PDGFD: variants seen among roughly 807,000 people sequenced by gnomAD.
PDGFD encodes platelet derived growth factor D, also known as platelet-derived growth factor D.
Under a neutral mutation model 44.7 loss-of-function variants are expected in PDGFD, and 30 were observed. That is an observed-to-expected ratio of 0.67 (90% confidence interval 0.50 to 0.91). The LOEUF (loss-of-function observed/expected upper bound fraction) is 0.91. Among genes scored for constraint, PDGFD ranks in the 40% least tolerant of loss-of-function variants. PDGFD has a pLI of 0.00. For missense variants in PDGFD, 445 were observed against 457.8 expected, an observed-to-expected ratio of 0.97 and a Z score of 0.25; for synonymous variants, 173 against 168.4, an observed-to-expected ratio of 1.03 and a Z score of -0.21.
chr11:104,028,736 A>T lies in PDGFD; in HGVS notation c.125-28481T>A, dbSNP rs1298332881. Among the ~76,000 whole-genome samples, 3 of 150,026 alleles carry T rather than the reference A, an allele frequency of 2.0e-5. No individual in the cohort carries two copies. In the East Asian group the frequency reaches 5.8e-4, roughly 29 times the overall value. On this transcript the variant is annotated intron_variant, in intron 1 of 6. Transcript: ENST00000393158. ...TGCAGTAAGAACATGAAATAAAACC[A>T]AGTCTTTGTTCACAGTTAATAGTGT...
intron 1 of PDGFD, among the ~76,000 whole-genome samples, chr11:104,044,154 A>G (rs1860403637): frequency 6.6e-6 from 1 of 152,230 alleles, no homozygotes; most frequent in African/African-American, 2.4e-5. Flanking sequence ...CCAACCAGAG[A>G]GCAGTTATAG....
At position 104,009,914 on chromosome 11, in the gene PDGFD, T is replaced by C. The variant is rs116057398; in HGVS notation, c.125-9659A>G. The stretch of plus-strand genomic sequence containing the variant: ...GCTGAAGTCCTCCTGGGACTATTAA[T>C]AGGACGGTCTTCACTAAGGAATTTT... On this transcript the variant is annotated intron_variant, in intron 1 of 6. Transcript: ENST00000393158. Among the ~76,000 whole-genome samples, 75 of 152,258 alleles carry C rather than the reference T, an allele frequency of 4.9e-4. 1 individual carries two copies. Among genetic ancestry groups the C allele is most frequent in the African/African-American group, 1.7e-3 (70 of 41,566 alleles).
rs1470700797 is a variant in PDGFD, at chr11:103,907,759, T to G, written c.*1935A>C. 3 of 152,186 alleles carry G rather than the reference T, an allele frequency of 2.0e-5. No homozygotes were observed. Among genetic ancestry groups the G allele is most frequent in the African/African-American group, 7.2e-5 (3 of 41,436 alleles). The allele number at this position is 152,186 out of a possible 1,614,324, so 9.4% of individuals were successfully genotyped here. A position where few individuals can be genotyped will look rare whatever the true frequency, so the allele number is the denominator to read the frequency against. ...TGACTTTGGTACAGGAAACTGATGT[T>G]TTCACAGGAAACTTGCAAAGCAGTT... On this transcript the variant is annotated 3_prime_UTR_variant, in exon 7 of 7. Transcript: ENST00000393158.
chr11:104,045,946 T>C (rs1257066979), intron 1 of PDGFD, among the ~76,000 whole-genome samples: 1 of 146,472 alleles, frequency 6.8e-6, no homozygotes, highest in African/African-American at 2.5e-5. Context: ...AGTGATTCTA[T>C]GATAGGAACT....
intron 1 of PDGFD, among the ~76,000 whole-genome samples, chr11:104,116,203 T>C (rs1246295968): frequency 6.6e-6 from 1 of 152,096 alleles, no homozygotes. Context: ...GAGTTTATTT[T>C]TGTATAAAGT....
intron 3 of PDGFD, among the ~76,000 whole-genome samples, chr11:103,961,380 G>A (rs1019720030): frequency 1.3e-5 from 2 of 152,262 alleles, no homozygotes; most frequent in South Asian, 2.1e-4. Flanking sequence ...AGTTCTACAG[G>A]AGAAAGAATG....
intron 1 of PDGFD, among the ~76,000 whole-genome samples, chr11:104,141,176 G>A (rs746686779): frequency 1.1e-4 from 17 of 152,140 alleles, no homozygotes; most frequent in East Asian, 9.6e-4. Flanking sequence ...TAAAACCAAC[G>A]TAGTTAAAAA....
chr11:104,089,346 G>A (rs968853602), intron 1 of PDGFD, among the ~76,000 whole-genome samples: 3 of 152,134 alleles, frequency 2.0e-5, no homozygotes, highest in African/African-American at 7.2e-5. Context: ...CCCCTAGGAG[G>A]AGGCAGTTAC....
chr11:104,003,000 T>C (rs1043601952), intron 1 of PDGFD, among the ~76,000 whole-genome samples: 5 of 152,214 alleles, frequency 3.3e-5, no homozygotes, highest in Admixed American at 3.3e-4. Context: ...TTTGGTCTTT[T>C]TCATGGGTAT....
chr11:104,068,825 T>C (rs942283262), intron 1 of PDGFD, among the ~76,000 whole-genome samples: 1 of 152,114 alleles, frequency 6.6e-6, no homozygotes, highest in African/African-American at 2.4e-5. Context: ...TTCTCACATA[T>C]GCCTCTGTGT....
intron 3 of PDGFD, among the ~76,000 whole-genome samples, chr11:103,954,939 C>T (rs1044242433): frequency 2.0e-5 from 3 of 151,532 alleles, no homozygotes; most frequent in Admixed American, 1.3e-4. Flanking sequence ...CCGAGGCGGG[C>T]GGATCACGAG....
intron 1 of PDGFD, among the ~76,000 whole-genome samples, chr11:104,093,265 T>C (rs1395261154): frequency 6.6e-6 from 1 of 151,900 alleles, no homozygotes; most frequent in Admixed American, 6.6e-5. Flanking sequence ...GATGGGAGAT[T>C]TGAATCATCC....
chr11:104,116,234 T>C (rs1192962612), intron 1 of PDGFD, among the ~76,000 whole-genome samples: 1 of 152,044 alleles, frequency 6.6e-6, no homozygotes, highest in African/African-American at 2.4e-5. Context: ...AATCCAGTTT[T>C]ATTCTACCAC....
intron 1 of PDGFD, among the ~76,000 whole-genome samples, chr11:104,122,299 T>G (rs971462042): frequency 9.9e-5 from 15 of 151,982 alleles, no homozygotes; most frequent in Admixed American, 3.3e-4. Context: ...AGCAACATGG[T>G]GCAGGTCAGG....
At position 104,000,034 on chromosome 11, in the gene PDGFD, T is replaced by A. The variant is rs1383972690; in HGVS notation, c.329+17A>T. On this transcript the variant is annotated intron_variant, in intron 2 of 6. Coordinates refer to ENST00000393158, the MANE Select transcript of PDGFD (RefSeq NM_025208.5). Reference sequence around the variant, plus strand: ...TCACCTTGAAATAGTACCGTAAAAATTTTTTTCCCAACTTACCTACAGATA... The same window carrying A: ...TCACCTTGAAATAGTACCGTAAAAAATTTTTTCCCAACTTACCTACAGATA... 5 of 1,068,208 alleles carry A rather than the reference T, an allele frequency of 4.7e-6. No individual in the cohort carries two copies. Among genetic ancestry groups the A allele is most frequent in the African/African-American group, 3.8e-5 (2 of 52,040 alleles). The allele number at this position is 1,068,208 out of a possible 1,614,324, so 66.2% of individuals were successfully genotyped here. A position where few individuals can be genotyped will look rare whatever the true frequency, so the allele number is the denominator to read the frequency against.
intron 1 of PDGFD, among the ~76,000 whole-genome samples, chr11:104,163,557 G>C (rs1862420928): frequency 6.6e-6 from 1 of 151,776 alleles, no homozygotes; most frequent in South Asian, 2.1e-4. Flanking sequence ...ACTTCTCTAG[G>C]GTGCAGCAAG....
intron 1 of PDGFD, among the ~76,000 whole-genome samples, chr11:104,103,900 A>T (rs1011173638): frequency 6.6e-6 from 1 of 151,930 alleles, no homozygotes; most frequent in Non-Finnish European, 1.5e-5. Flanking sequence ...TATTTTTTTT[A>T]AAGTTAACTG....
chr11:104,151,535 G>C (rs1862245520), intron 1 of PDGFD, among the ~76,000 whole-genome samples: 1 of 152,150 alleles, frequency 6.6e-6, no homozygotes, highest in Non-Finnish European at 1.5e-5. Context: ...AACAAAGAGA[G>C]AGGGAAAATA....
chr11:104,108,480 G>T (rs899680952), intron 1 of PDGFD, among the ~76,000 whole-genome samples: 3 of 152,134 alleles, frequency 2.0e-5, no homozygotes, highest in Admixed American at 2.0e-4. Flanking sequence ...TCAGAGAAAT[G>T]CAAATCAAAA....
Sources: allele counts gnomAD v4.1 joint callset (sites outside exome capture counted in the v4.1 genomes callset), GRCh38; gene constraint gnomAD v4.1.1; transcripts MANE v1.5; gene names NCBI Gene and HGNC (gene_info 2026-07-23, HGNC 2026-07-21).